The following FNDC3A variants were observed in gnomAD, a reference collection of about 807,000 sequenced individuals.
FNDC3A encodes fibronectin type-III domain-containing protein 3A.
In FNDC3A, 32 loss-of-function variants were observed where a neutral mutation model predicts 148.9. The ratio of observed to expected loss-of-function variants is 0.21; its 90% confidence interval spans 0.16 to 0.29. The LOEUF is 0.29. Ranked by LOEUF, FNDC3A falls within the 10% of genes least tolerant of loss-of-function variation. The pLI is 1.00. For synonymous variants in FNDC3A, 472 were observed against 473.6 expected (o/e 1.00, Z 0.04); for missense variants, 1,191 against 1,452.8 (o/e 0.82, Z 2.93).
chr13:49,196,661 A>G (rs1886170170), intron 19 of FNDC3A, among the ~76,000 whole-genome samples: 1 of 152,220 alleles, frequency 6.6e-6, no homozygotes, highest in South Asian at 2.1e-4. Flanking sequence ...GGCAGAAGAA[A>G]GTATAGGTAA....
intron 8 of FNDC3A, among the ~76,000 whole-genome samples, chr13:49,149,974 G>A (rs973044685): frequency 1.3e-5 from 2 of 152,134 alleles, no homozygotes; most frequent in South Asian, 2.1e-4. Flanking sequence ...GTTGGTGTAG[G>A]TTGTCCATAA....
At chr13:49,197,467 C>T (rs1187058963) in intron 20 of FNDC3A, among the ~76,000 whole-genome samples, 1 of 152,022 alleles carries the variant, frequency 6.6e-6, no homozygotes, top group African/African-American at 2.4e-5. Flanking sequence ...ACATATTTAC[C>T]TTAAAACACT....
intron 4 of FNDC3A, among the ~76,000 whole-genome samples, chr13:49,122,956 T>A (rs1182468876): frequency 6.6e-6 from 1 of 152,194 alleles, no homozygotes; most frequent in Admixed American, 6.5e-5. Context: ...GCTATCCCCA[T>A]CAAGCTACCA....
At chr13:49,026,187 A>G (rs1454962302) in intron 2 of FNDC3A, among the ~76,000 whole-genome samples, 1 of 152,214 alleles carries the variant, frequency 6.6e-6, no homozygotes, top group Non-Finnish European at 1.5e-5. Flanking sequence ...GAAGTCACTG[A>G]TATAAATGAA....
intron 7 of FNDC3A, among the ~76,000 whole-genome samples, chr13:49,140,206 C>T (rs922894865): frequency 6.6e-6 from 1 of 152,088 alleles, no homozygotes; most frequent in Non-Finnish European, 1.5e-5. Flanking sequence ...CAAGGGGGCA[C>T]ACACCTGTAG....
intron 2 of FNDC3A, among the ~76,000 whole-genome samples, chr13:49,033,324 C>T (rs1360704094): frequency 6.6e-6 from 1 of 152,082 alleles, no homozygotes; most frequent in Non-Finnish European, 1.5e-5. Context: ...AACAGTAAGC[C>T]TACCGTACAT....
chr13:49,039,486 C>G (rs1018167675), intron 2 of FNDC3A, among the ~76,000 whole-genome samples: 8 of 152,180 alleles, frequency 5.3e-5, no homozygotes, highest in South Asian at 2.1e-4. Flanking sequence ...TTAGTTTTCT[C>G]CCCCAAGTAA....
chr13:49,201,912 C>G lies in FNDC3A; in HGVS notation c.3100C>G (p.Leu1034Val). 1 of 1,593,788 alleles carries G rather than the reference C, an allele frequency of 6.3e-7. No homozygotes were observed. The highest frequency in any genetic ancestry group is 8.5e-7 in the Non-Finnish European group (1 of 1,170,078). Residue 1034 changes from leucine (L) to valine (V), a missense_variant, in exon 24 of 26, where the codon CTC becomes GTC. Leu to Val is a conservative substitution (Grantham distance 32, BLOSUM62 1). Coordinates refer to ENST00000492622, the MANE Select transcript of FNDC3A (RefSeq NM_001079673.2). ...TTGTAATGAAGCTGGGGAAGGTCCC[C>G]TCTCCCAAGAATATATTTTCACTAC... is the stretch of plus-strand genomic sequence containing the variant. Reference protein sequence around the residue: ...QACNEAGEGPLSQEYIFTTPK... With the variant: ...QACNEAGEGPVSQEYIFTTPK...
chr13:49,196,777 G>T, intron 19 of FNDC3A, 100 bp from the exon 20 acceptor site: 1 of 553,452 alleles, frequency 1.8e-6, no homozygotes, highest in Non-Finnish European at 3.2e-6. Flanking sequence ...GAAACACAGG[G>T]AAAAGACTTT....
At chr13:49,091,049 T>C (rs921488436) in intron 3 of FNDC3A, among the ~76,000 whole-genome samples, 1 of 152,030 alleles carries the variant, frequency 6.6e-6, no homozygotes, top group Non-Finnish European at 1.5e-5. Context: ...GGGAAAGACA[T>C]AGGCTCTCAG....
chr13:49,059,618 G>C (rs1394196332), intron 2 of FNDC3A, among the ~76,000 whole-genome samples: 2 of 152,012 alleles, frequency 1.3e-5, no homozygotes, highest in Non-Finnish European at 2.9e-5. Flanking sequence ...ACCATGCCTG[G>C]CTAATTTTTG....
chr13:49,064,378 T>G (rs1436728857), intron 2 of FNDC3A, among the ~76,000 whole-genome samples: 3 of 136,514 alleles, frequency 2.2e-5, no homozygotes, highest in African/African-American at 8.3e-5. Context: ...AGATTGCTGA[T>G]AAATATAGAA....
chr13:49,160,572 C>A (rs1312970033), intron 8 of FNDC3A, among the ~76,000 whole-genome samples: 11 of 151,916 alleles, frequency 7.2e-5, no homozygotes, highest in Non-Finnish European at 1.5e-5. Context: ...AAAACCAGCT[C>A]CTGGATTCAT....
In FNDC3A at chr13:49,083,371, C is replaced by A. The variant is rs139613193; in HGVS notation, c.175+8007C>A. On this transcript the variant is annotated intron_variant, in intron 3 of 25. Transcript: ENST00000492622. Reference sequence around the variant, plus strand: ...CTTGCTTATTTTAGCGGAACTAGAACTAAATATGAGTCATCTATTGAATCC... The same window carrying A: ...CTTGCTTATTTTAGCGGAACTAGAAATAAATATGAGTCATCTATTGAATCC... 1.9e-3 allele frequency among the ~76,000 whole-genome samples: 284 copies of A among 152,256 alleles called. 1 individual carries two copies. Among genetic ancestry groups the A allele is most frequent in the African/African-American group, 6.0e-3 (250 of 41,560 alleles).
Position 49,186,086 on chromosome 13 carries a change from T to A in FNDC3A, c.1740T>A (p.Ser580Arg). 5.6e-6 allele frequency: 9 copies of A among 1,611,976 alleles called. No individual in the cohort carries two copies. Among genetic ancestry groups the A allele is most frequent in the Non-Finnish European group, 6.8e-6 (8 of 1,178,614 alleles). Residue 580 changes from serine (S) to arginine (R), a missense_variant, in exon 15 of 26, where the codon AGT (serine) becomes AGA (arginine). Ser to Arg is a moderately radical substitution (Grantham distance 110, BLOSUM62 -1). This residue lies in a region of FNDC3A where 751 missense variants were observed against 944.0 expected (regional missense o/e 0.80). Transcript: ENST00000492622. ...PSVKGKIHSH[S>R]FKITWDPPKD... The stretch of plus-strand genomic sequence containing the variant: ...TGAAAGGAAAGATACATTCACACAG[T>A]TTTAAAATAACCTGGGGTAAGATAT...
intron 4 of FNDC3A, among the ~76,000 whole-genome samples, chr13:49,126,482 G>A (rs2137911963): frequency 6.6e-6 from 1 of 152,020 alleles, no homozygotes; most frequent in African/African-American, 2.4e-5. Context: ...GCTTATCTTT[G>A]TATTTTAAAT....
At chr13:49,064,410 CCA>C (rs1491572326) in intron 2 of FNDC3A, among the ~76,000 whole-genome samples, 20 of 78,430 alleles carry the variant, frequency 2.6e-4, no homozygotes, top group South Asian at 1.2e-3. Context: ...CGCCCCCCCC[CCA>C]AAAAAAAAAC....
chr13:48,987,620 ACTACT>A (rs1317335407), intron 1 of FNDC3A, among the ~76,000 whole-genome samples: 1 of 152,236 alleles, frequency 6.6e-6, no homozygotes, highest in Non-Finnish European at 1.5e-5. Flanking sequence ...TCCGACCAAC[ACTACT>A]CTTTCCTTCT....
At chr13:49,124,577 C>T (rs1881574988) in intron 4 of FNDC3A, among the ~76,000 whole-genome samples, 1 of 151,908 alleles carries the variant, frequency 6.6e-6, no homozygotes, top group Non-Finnish European at 1.5e-5. Context: ...ATGTACTTTA[C>T]ACATAAATAA....
Sources: gnomAD v4.1 joint callset for allele counts (sites outside exome capture counted in the v4.1 genomes callset) on GRCh38, gnomAD v4.1.1 for gene constraint, gnomAD v4.1.1 regional missense constraint, MANE v1.5 for transcripts, NCBI Gene and HGNC (gene_info 2026-07-23, HGNC 2026-07-21) for gene names.